The following CSMD1 variants were observed in gnomAD, a reference collection of about 807,000 sequenced individuals.
The protein encoded by CSMD1 is CUB and sushi domain-containing protein 1.
Under a neutral mutation model 417.5 loss-of-function variants are expected in CSMD1, and 213 were observed. The observed-to-expected ratio is 0.51, with a 90% CI of 0.46 to 0.57. CSMD1 has a LOEUF of 0.57. Ranked by LOEUF, CSMD1 falls within the 20% of genes least tolerant of loss-of-function variation. The pLI is 0.00. For missense variants in CSMD1, 6,923 were observed against 4,529.7 expected (o/e 1.53, Z -15.17); for synonymous variants, 2,862 against 1,736.8 (o/e 1.65, Z -16.11).
chr8:4,780,741 C>A (rs1196018460), intron 1 of CSMD1, among the ~76,000 whole-genome samples: 1 of 152,052 alleles, frequency 6.6e-6, no homozygotes, highest in African/African-American at 2.4e-5. Flanking sequence ...TCTACCAAGT[C>A]CCCAAAATCC....
At chr8:3,700,083 C>T (rs563675820) in intron 7 of CSMD1, among the ~76,000 whole-genome samples, 1 of 152,068 alleles carries the variant, frequency 6.6e-6, no homozygotes, top group Admixed American at 6.6e-5. Flanking sequence ...AAGAATGATA[C>T]AAAGGGCTCT....
At chr8:3,886,459 T>C (rs1325772667) in intron 5 of CSMD1, among the ~76,000 whole-genome samples, 1 of 152,180 alleles carries the variant, frequency 6.6e-6, no homozygotes, top group Non-Finnish European at 1.5e-5. Context: ...GGCCAGATAA[T>C]AAATATTTTG....
At chr8:3,561,483 G>A (rs750951999) in intron 10 of CSMD1, among the ~76,000 whole-genome samples, 6 of 152,138 alleles carry the variant, frequency 3.9e-5, no homozygotes, top group Non-Finnish European at 8.8e-5. Flanking sequence ...AATATGGATG[G>A]AACAGAATGT....
At chr8:4,509,850 G>A (rs1364090014) in intron 2 of CSMD1, among the ~76,000 whole-genome samples, 1 of 152,144 alleles carries the variant, frequency 6.6e-6, no homozygotes, top group African/African-American at 2.4e-5. Context: ...AAGATTCACA[G>A]CTGGTGCTTA....
intron 26 of CSMD1, among the ~76,000 whole-genome samples, chr8:3,240,114 G>A (rs1832970747): frequency 6.6e-6 from 1 of 152,164 alleles, no homozygotes; most frequent in Non-Finnish European, 1.5e-5. Context: ...TTGAGGGCTA[G>A]GCAAAACAGT....
intron 3 of CSMD1, among the ~76,000 whole-genome samples, chr8:4,166,140 C>T (rs1320035808): frequency 6.6e-6 from 1 of 152,100 alleles, no homozygotes; most frequent in East Asian, 1.9e-4. Context: ...ATAATGTGAA[C>T]CCCATAACAT....
intron 3 of CSMD1, among the ~76,000 whole-genome samples, chr8:4,157,908 G>A (rs904078704): frequency 6.6e-6 from 1 of 152,094 alleles, no homozygotes; most frequent in Non-Finnish European, 1.5e-5. Flanking sequence ...GCTGAACTTG[G>A]GCTTGTCCCT....
intron 2 of CSMD1, among the ~76,000 whole-genome samples, chr8:4,424,232 G>T (rs1458269470): frequency 2.6e-5 from 4 of 151,900 alleles, no homozygotes; most frequent in Admixed American, 1.3e-4. Context: ...GCAAAAGACC[G>T]CATTAAGAGA....
At chr8:4,446,145 T>C (rs1324895432) in intron 2 of CSMD1, among the ~76,000 whole-genome samples, 2 of 152,196 alleles carry the variant, frequency 1.3e-5, no homozygotes, top group Non-Finnish European at 2.9e-5. Context: ...TACGTGAGTT[T>C]TGAACTGAAA....
intron 26 of CSMD1, among the ~76,000 whole-genome samples, chr8:3,240,928 A>C (rs1359119414): frequency 6.6e-6 from 1 of 151,970 alleles, no homozygotes; most frequent in East Asian, 1.9e-4. Flanking sequence ...AACAGGCTTT[A>C]ATCCTTTTAA....
intron 1 of CSMD1, among the ~76,000 whole-genome samples, chr8:4,707,986 C>G (rs377176208): frequency 6.6e-6 from 1 of 151,266 alleles, no homozygotes; most frequent in Admixed American, 6.6e-5. Context: ...CACTCTGTCA[C>G]CCAGGCTAGT....
At chr8:3,944,398 T>C (rs1236920705) in intron 5 of CSMD1, among the ~76,000 whole-genome samples, 1 of 152,146 alleles carries the variant, frequency 6.6e-6, no homozygotes, top group Admixed American at 6.6e-5. Context: ...TATTGACAAT[T>C]AACTGAGTGG....
At chr8:4,832,361 G>T (rs570931257) in intron 1 of CSMD1, among the ~76,000 whole-genome samples, 14 of 152,282 alleles carry the variant, frequency 9.2e-5, no homozygotes, top group African/African-American at 3.4e-4. Context: ...TGCTACAGTG[G>T]CAATGAACTT....
chr8:4,046,425 A>G (rs1416643876), intron 3 of CSMD1, among the ~76,000 whole-genome samples: 1 of 152,150 alleles, frequency 6.6e-6, no homozygotes, highest in Non-Finnish European at 1.5e-5. Flanking sequence ...TCAAACCTAA[A>G]TGTGCTTTCT....
At chr8:4,492,013 T>G (rs1801728058) in intron 2 of CSMD1, among the ~76,000 whole-genome samples, 1 of 149,866 alleles carries the variant, frequency 6.7e-6, no homozygotes, top group Non-Finnish European at 1.5e-5. Flanking sequence ...TACATCCACA[T>G]AGTGGAATAT....
At position 2,974,634 on chromosome 8, in the gene CSMD1, A is replaced by G. The variant is rs1198531484; in HGVS notation, c.8567-10T>C. 1 of 1,567,206 alleles carries G rather than the reference A, an allele frequency of 6.4e-7. No homozygotes were observed. Among genetic ancestry groups the G allele is most frequent in the East Asian group, 2.3e-5 (1 of 43,044 alleles). On this transcript the variant is annotated splice_polypyrimidine_tract_variant and intron_variant, in intron 55 of 69. Coordinates refer to ENST00000635120, the MANE Select transcript of CSMD1 (RefSeq NM_033225.6). Reference sequence around the variant, plus strand: ...TGTCCACACGATATAGCTTCAGAAAAAAGATAAAACAATTGAGTACATCCT... The same window carrying G: ...TGTCCACACGATATAGCTTCAGAAAGAAGATAAAACAATTGAGTACATCCT...
At chr8:4,983,333 A>C (rs1215918587) in intron 1 of CSMD1, among the ~76,000 whole-genome samples, 3 of 152,208 alleles carry the variant, frequency 2.0e-5, no homozygotes, top group African/African-American at 4.8e-5. Flanking sequence ...CTCACTAAAA[A>C]TAATGGCTGG....
intron 3 of CSMD1, among the ~76,000 whole-genome samples, chr8:4,316,683 G>A (rs894000180): frequency 4.6e-5 from 7 of 151,924 alleles, no homozygotes; most frequent in South Asian, 2.1e-4. Context: ...GCAAACTAAG[G>A]GGGGGGCTTC....
intron 3 of CSMD1, among the ~76,000 whole-genome samples, chr8:4,293,364 C>G (rs1481296480): frequency 2.6e-5 from 4 of 152,154 alleles, no homozygotes; most frequent in African/African-American, 4.8e-5. Flanking sequence ...CTAGTAAGTC[C>G]AATCTAAATT....
Sources: allele counts gnomAD v4.1 joint callset (sites outside exome capture counted in the v4.1 genomes callset), GRCh38; gene constraint gnomAD v4.1.1; transcripts MANE v1.5; gene names NCBI Gene and HGNC (gene_info 2026-07-23, HGNC 2026-07-21).